INSL3: variants seen among roughly 807,000 people sequenced by gnomAD.
INSL3 encodes insulin like 3, also known as insulin-like 3.
Under a neutral mutation model 5.5 loss-of-function variants are expected in INSL3, and 6 were observed. That is an observed-to-expected ratio of 1.08 (90% CI 0.59 to 2.14). The LOEUF is 2.14. INSL3 is among the 30% of genes most tolerant of loss of function. The pLI is 0.00. For synonymous variants in INSL3, 86 were observed against 82.1 expected (o/e 1.05, Z -0.26); for missense variants, 178 against 184.7 (o/e 0.96, Z 0.21).
At position 17,816,729 on chromosome 19, in the gene INSL3, A is replaced by C; in HGVS notation, c.*125T>G. On this transcript the variant is annotated 3_prime_UTR_variant, in exon 2 of 2. Coordinates refer to ENST00000317306, the MANE Select transcript of INSL3 (RefSeq NM_005543.4). ...CATTGGTCTGGGGTAGATAGTGAGC[A>C]CCCATCCCAGGAGGTAATCAAAGGC... 1 of 869,782 alleles carries C rather than the reference A, an allele frequency of 1.1e-6. No homozygotes were observed. Among genetic ancestry groups the C allele is most frequent in the Non-Finnish European group, 1.9e-6 (1 of 540,112 alleles). 53.9% of individuals were successfully genotyped at this position (869,782 alleles called of 1,614,324 possible).
intron 1 of INSL3, among the ~76,000 whole-genome samples, chr19:17,817,484 C>T (rs991033501): frequency 1.3e-5 from 1 of 78,058 alleles, no homozygotes; most frequent in African/African-American, 4.6e-5. Flanking sequence ...GACTCTGTCT[C>T]AAAAAAAAAA....
chr19:17,821,463 G>C lies in INSL3; in HGVS notation c.44C>G (p.Pro15Arg). 1 of 1,528,312 alleles carries C rather than the reference G, an allele frequency of 6.5e-7. No individual in the cohort carries two copies. Among genetic ancestry groups the C allele is most frequent in the Middle Eastern group, 1.7e-4 (1 of 5,762 alleles). 94.7% of individuals were successfully genotyped at this position (1,528,312 alleles called of 1,614,324 possible). Residue 15 changes from proline (P) to arginine (R), a missense_variant, in exon 1 of 2, where the codon CCT becomes CGT. By Grantham distance (103) the Pro-to-Arg change is moderately radical (BLOSUM62 -2). Coordinates refer to ENST00000317306, the MANE Select transcript of INSL3 (RefSeq NM_005543.4). The part of the protein sequence containing the change: ...LPAWALVLLG[P>R]ALVFALGPAP... Reference sequence around the variant, plus strand: ...GGGGCCCAACGCGAACACCAGGGCAGGGCCCAGCAGCACCAGCGCCCAGGC... The same window carrying C: ...GGGGCCCAACGCGAACACCAGGGCACGGCCCAGCAGCACCAGCGCCCAGGC...
At chr19:17,817,215 C>T in intron 1 of INSL3, 156 bp from the exon 2 acceptor site, 3 of 777,838 alleles carry the variant, frequency 3.9e-6, no homozygotes, top group Middle Eastern at 2.9e-4. Flanking sequence ...CAGTGGCTTA[C>T]ACCTGTAATC....
rs1177884445 is a variant in INSL3 at position 17,821,481 on chromosome 19, G to A, written c.26C>T (p.Ala9Val). MDPRLPAWALVLLGPALVF... is the reference protein window; with the variant it reads MDPRLPAWVLVLLGPALVF... ...CAGGGCAGGGCCCAGCAGCACCAGC[G>A]CCCAGGCGGGCAGACGGGGGTCCAT... The change falls in exon 1 of 2, where the codon GCG becomes GTG. Residue 9 changes from alanine to valine, a missense_variant. Coordinates refer to ENST00000317306, the MANE Select transcript of INSL3 (RefSeq NM_005543.4). The A allele has an allele frequency of 2.0e-6, 3 of 1,504,858 alleles. No homozygotes were observed. The highest frequency in any genetic ancestry group is 1.3e-5 in the South Asian group (1 of 78,926). The allele number at this position is 1,504,858 out of a possible 1,614,324, so 93.2% of individuals were successfully genotyped here.
At chr19:17,820,332 GAAAAGCAATACTTTTC>G (rs1171868630) in intron 1 of INSL3, 5 of 358,624 alleles carry the variant, frequency 1.4e-5, no homozygotes, top group Non-Finnish European at 2.7e-5. Flanking sequence ...ACATAATTGT[GAAAAGCAATACTTTTC>G]AAAAGCAATA....
Position 17,820,111 on chromosome 19 carries a change from A to C in INSL3, c.190+1206T>G, listed in dbSNP as rs2094193333. 2.0e-5 allele frequency among the ~76,000 whole-genome samples: 3 copies of C among 151,660 alleles called. No homozygotes were observed. The South Asian group carries it at 6.2e-4, about 32-fold the overall frequency. On this transcript the variant is annotated intron_variant, in intron 1 of 1. Transcript: ENST00000317306. ...GGGTGACAGAGCGAGACTCCATCTCAAACAAACAAACAAAATACAAAAATT... is the reference window on the plus strand; with the variant it reads ...GGGTGACAGAGCGAGACTCCATCTCCAACAAACAAACAAAATACAAAAATT...
In INSL3 at chr19:17,821,329, T is replaced by C. The variant is rs6523; in HGVS notation, c.178A>G (p.Thr60Ala). Reference sequence around the variant, plus strand: ...CGTCCCCACTCACGGTCGCCTCCGGTCGCAGGCCTCCTGGCTTCGGTGGAC... The same window carrying C: ...CGTCCCCACTCACGGTCGCCTCCGGCCGCAGGCCTCCTGGCTTCGGTGGAC... Reference protein sequence around the residue: ...RWSTEARRPATGGDRELLQWL... With the variant: ...RWSTEARRPAAGGDRELLQWL... The change falls in exon 1 of 2, where the codon ACC becomes GCC. Residue 60 changes from threonine (T) to alanine (A), a missense_variant. Coordinates refer to ENST00000317306, the MANE Select transcript of INSL3 (RefSeq NM_005543.4). 0.65 allele frequency: 1,009,131 copies of C among 1,547,416 alleles called. 330,977 individuals carry two copies. The highest frequency in any genetic ancestry group is 0.82 in the African/African-American group (59,598 of 73,104).
At chr19:17,821,243 G>C (rs1006922294) in intron 1 of INSL3, 74 bp downstream of exon 1, 30 of 1,490,726 alleles carry the variant, frequency 2.0e-5, no homozygotes, top group Admixed American at 3.9e-5. Flanking sequence ...CTCCCTGCAC[G>C]TGTGCATCTG....
intron 1 of INSL3, 75 bp from the exon 2 acceptor site, chr19:17,817,134 C>T: frequency 2.9e-6 from 4 of 1,372,892 alleles, no homozygotes; most frequent in Non-Finnish European, 3.0e-6. Context: ...GTGCACGAAT[C>T]CACACACATC....
intron 1 of INSL3, among the ~76,000 whole-genome samples, chr19:17,818,918 A>G (rs571282733): frequency 6.6e-6 from 1 of 151,410 alleles, no homozygotes; most frequent in African/African-American, 2.4e-5. Context: ...CTCTGTTGCC[A>G]AGCTGGAGTG....
rs572176566 is a variant in INSL3 at position 17,820,961 on chromosome 19, G to A, written c.190+356C>T. 1.1e-4 allele frequency among the ~76,000 whole-genome samples: 16 copies of A among 152,052 alleles called. 1 individual carries two copies. In the South Asian group the frequency reaches 3.1e-3, roughly 30 times the overall value. ...CCCAAGTAGCTGGGATTACAGATGT[G>A]CATCATTATCCCCGGCTAATTTTTT... On this transcript the variant is annotated intron_variant, in intron 1 of 1. Transcript: ENST00000317306.
In INSL3 at chr19:17,816,997, G is replaced by A. The variant is rs1385833762; in HGVS notation, c.253C>T (p.Leu85Phe). ...GGCTGCAGGCCAGGTCCCAGCGTGA[G>A]ATTACTGTCGGCCACCAGCCCATGG... is the stretch of plus-strand genomic sequence containing the variant. Reference protein sequence around the residue: ...LLHGLVADSNLTLGPGLQPLP... With the variant: ...LLHGLVADSNFTLGPGLQPLP... Residue 85 changes from leucine to phenylalanine, a missense_variant, in exon 2 of 2, where the codon CTC becomes TTC. Coordinates refer to ENST00000317306, the MANE Select transcript of INSL3 (RefSeq NM_005543.4). 6.2e-7 allele frequency: 1 copy of A among 1,613,966 alleles called. No homozygotes were observed. The highest frequency in any genetic ancestry group is 8.5e-7 in the Non-Finnish European group (1 of 1,179,942).
intron 1 of INSL3, among the ~76,000 whole-genome samples, chr19:17,819,585 T>C (rs1334770137): frequency 6.6e-6 from 1 of 152,142 alleles, no homozygotes; most frequent in Non-Finnish European, 1.5e-5. Context: ...CTCATGCCTG[T>C]AATCCCAGCC....
intron 1 of INSL3, 70 bp from the exon 2 acceptor site, chr19:17,817,129 C>T (rs2094189024): frequency 2.1e-6 from 3 of 1,413,432 alleles, no homozygotes; most frequent in South Asian, 2.4e-5. Flanking sequence ...TGCATGTGCA[C>T]GAATCCACAC....
At chr19:17,819,553 C>T (rs1668520513) in intron 1 of INSL3, among the ~76,000 whole-genome samples, 1 of 152,074 alleles carries the variant, frequency 6.6e-6, no homozygotes, top group African/African-American at 2.4e-5. Flanking sequence ...AGTTCAAGAC[C>T]AGCCTGGCCC....
rs754134675 is a variant in INSL3 at position 17,816,840 on chromosome 19, C to T, written c.*14G>A. 3.1e-6 allele frequency: 5 copies of T among 1,612,168 alleles called. No homozygotes were observed. The South Asian group carries it at 4.4e-5, about 14-fold the overall frequency. ...TGGGCCTCAGGCCACTCTGAGGCTG[C>T]ACCCAAGGAGGAATCAGTAGGGACA... On this transcript the variant is annotated 3_prime_UTR_variant, in exon 2 of 2. Coordinates refer to ENST00000317306, the MANE Select transcript of INSL3 (RefSeq NM_005543.4).
intron 1 of INSL3, among the ~76,000 whole-genome samples, chr19:17,821,112 C>T (rs765980504): frequency 1.6e-4 from 25 of 152,198 alleles, no homozygotes; most frequent in Non-Finnish European, 3.1e-4. Context: ...TGAGCCACCA[C>T]GCCTGGCTAA....
chr19:17,817,982 G>A (rs2094190389), intron 1 of INSL3, among the ~76,000 whole-genome samples: 1 of 151,876 alleles, frequency 6.6e-6, no homozygotes, highest in Admixed American at 6.6e-5. Context: ...AGCTACAGAT[G>A]GTGTCAGTTT....
At chr19:17,817,699 G>T (rs1278299431) in intron 1 of INSL3, among the ~76,000 whole-genome samples, 1 of 149,578 alleles carries the variant, frequency 6.7e-6, no homozygotes, top group Non-Finnish European at 1.5e-5. Flanking sequence ...GGAGGCTGGG[G>T]TGGGAGAATC....
Sources: gnomAD v4.1 joint callset for allele counts (sites outside exome capture counted in the v4.1 genomes callset) on GRCh38, gnomAD v4.1.1 for gene constraint, MANE v1.5 for transcripts, NCBI Gene and HGNC (gene_info 2026-07-23, HGNC 2026-07-21) for gene names.